FAM120B: variants seen among roughly 807,000 people sequenced by gnomAD.
FAM120B encodes the protein family with sequence similarity 120 member B.
A neutral mutation model predicts 96.3 loss-of-function variants in FAM120B; 83 were observed. The observed-to-expected ratio is 0.86, with a 90% CI of 0.72 to 1.03. FAM120B has a LOEUF of 1.03. Ranked by LOEUF, FAM120B falls within the 50% of genes least tolerant of loss-of-function variation. The pLI, the probability that FAM120B is intolerant of heterozygous loss-of-function variation, is 0.00. For synonymous variants in FAM120B, 407 were observed against 402.7 expected (o/e 1.01, Z -0.13); for missense variants, 1,027 against 1,121.2 (o/e 0.92, Z 1.20).
At chr6:170,337,506 T>C in intron 4 of FAM120B, among the ~76,000 whole-genome samples, 1 of 149,756 alleles carries the variant, frequency 6.7e-6, no homozygotes, top group African/African-American at 2.5e-5. Context: ...TTTTGTTGTG[T>C]CTCTGCCAGT....
At chr6:170,359,270 G>A (rs1299931735) in intron 6 of FAM120B, among the ~76,000 whole-genome samples, 4 of 152,030 alleles carry the variant, frequency 2.6e-5, no homozygotes, top group Non-Finnish European at 4.4e-5. Context: ...GTGTGTGCCT[G>A]TAATCCTAGC....
chr6:170,321,535 G>A (rs113346263), intron 2 of FAM120B, among the ~76,000 whole-genome samples: 1,748 of 152,186 alleles, frequency 0.011, 22 homozygotes, highest in African/African-American at 0.036. Flanking sequence ...ACTCCACCAC[G>A]CCCAGCTAAT....
chr6:170,348,319 T>C lies in FAM120B; in HGVS notation c.2186T>C (p.Val729Ala), dbSNP rs774676677. ...ALCCLLIYLF[V>A]QVDTLCLEDL... ...TGCTGCCTCTTGATCTACCTCTTTG[T>C]CCAGGTAATGTCCAGCTGCCCGTTC... Residue 729 changes from valine to alanine, a missense_variant, in exon 5 of 11, where the codon GTC (valine) becomes GCC (alanine). Physicochemically the swap from Val to Ala is moderately conservative, Grantham distance 64 (BLOSUM62 0). This residue lies in a region of FAM120B where 880 missense variants were observed against 980.9 expected (regional missense o/e 0.90). Coordinates refer to ENST00000476287, the MANE Select transcript of FAM120B (RefSeq NM_032448.3). 15 of 1,612,494 alleles carry C rather than the reference T, an allele frequency of 9.3e-6. No homozygotes were observed. The highest frequency in any genetic ancestry group is 1.3e-5 in the African/African-American group (1 of 74,858).
rs1325406043 is a variant in FAM120B at position 170,361,249 on chromosome 6, T to C, written c.2283+2931T>C. ...ATATATATATATACACGTATATATA[T>C]ATATACGTGTATATATATAGTTACA... On this transcript the variant is annotated intron_variant, in intron 6 of 10. Transcript: ENST00000476287. Among the ~76,000 whole-genome samples, 26 of 139,612 alleles carry C rather than the reference T, an allele frequency of 1.9e-4. 1 individual carries two copies. The East Asian group carries it at 3.2e-3, about 17-fold the overall frequency. The allele number at this position is 139,612 out of a possible 152,430, so 91.6% of individuals were successfully genotyped here. A position where few individuals can be genotyped will look rare whatever the true frequency, so the allele number is the denominator to read the frequency against.
chr6:170,394,896 C>T (rs1790648734), intron 8 of FAM120B, among the ~76,000 whole-genome samples: 1 of 152,276 alleles, frequency 6.6e-6, no homozygotes, highest in Admixed American at 6.5e-5. Flanking sequence ...GGACAGTACC[C>T]ATGGCAGGGC....
chr6:170,336,307 CT>C (rs1256750433), intron 4 of FAM120B, among the ~76,000 whole-genome samples: 1 of 152,136 alleles, frequency 6.6e-6, no homozygotes, highest in African/African-American at 2.4e-5. Flanking sequence ...AACAGGGAAT[CT>C]TTTCCCTGTT....
chr6:170,325,438 C>T (rs1583202442), intron 3 of FAM120B, among the ~76,000 whole-genome samples: 1 of 151,850 alleles, frequency 6.6e-6, no homozygotes, highest in East Asian at 1.9e-4. Flanking sequence ...TTCTTTTTTC[C>T]CCACCTTATT....
At chr6:170,367,351 A>G (rs980075440) in intron 6 of FAM120B, among the ~76,000 whole-genome samples, 3 of 152,278 alleles carry the variant, frequency 2.0e-5, no homozygotes, top group African/African-American at 7.2e-5. Flanking sequence ...GGAAAAAGTC[A>G]AAAGAATAAT....
intron 6 of FAM120B, among the ~76,000 whole-genome samples, chr6:170,359,977 G>A (rs924983044): frequency 1.3e-5 from 2 of 152,200 alleles, no homozygotes; most frequent in Non-Finnish European, 2.9e-5. Context: ...CCTGGGCCCT[G>A]GTTGTGGCTG....
chr6:170,339,801 T>C (rs928918371), intron 4 of FAM120B, among the ~76,000 whole-genome samples: 1 of 148,738 alleles, frequency 6.7e-6, no homozygotes, highest in Non-Finnish European at 1.5e-5. Context: ...AAAAAAAGAA[T>C]GTTGGACATT....
upstream of FAM120B, chr6:170,306,585 G>A (rs978073013): frequency 6.6e-6 from 1 of 152,216 alleles, no homozygotes; most frequent in East Asian, 1.9e-4. Context: ...ACAGGCCGCG[G>A]CGTCCCACGC....
At chr6:170,404,306 G>A (rs2115351484) in intron 9 of FAM120B, 1 of 493,014 alleles carries the variant, frequency 2.0e-6, no homozygotes, top group East Asian at 3.3e-5. Flanking sequence ...TGGAGCTGGT[G>A]TGAAGAGGAA....
rs983007920 is a variant in FAM120B, at chr6:170,376,969, G to C, written c.2284-11318G>C. Among the ~76,000 whole-genome samples, 853 of 138,838 alleles carry C rather than the reference G, an allele frequency of 6.1e-3. 31 individuals are homozygous for C. The highest frequency in any genetic ancestry group is 0.02 in the African/African-American group (717 of 35,460). 91.1% of individuals were successfully genotyped at this position (138,838 alleles called of 152,430 possible). On this transcript the variant is annotated intron_variant, in intron 6 of 10. Coordinates refer to ENST00000476287, the MANE Select transcript of FAM120B (RefSeq NM_032448.3). ...GAGAGCACGAGCTCAGGGCTGCTCT[G>C]TGCTGTGCACACGCGTCCCTAAACC... is the stretch of plus-strand genomic sequence containing the variant.
chr6:170,292,711 G>A (rs1437546209), upstream of FAM120B, among the ~76,000 whole-genome samples: 2 of 152,200 alleles, frequency 1.3e-5, no homozygotes, highest in African/African-American at 2.4e-5. The surrounding 1 kb of genome is among the most constrained non-coding windows in gnomAD (Gnocchi z 6.6). Flanking sequence ...CAGGCCCTCC[G>A]GCTGCTACGC....
chr6:170,300,268 G>A (rs1294698682), intron 1 of FAM120B, among the ~76,000 whole-genome samples: 1 of 152,228 alleles, frequency 6.6e-6, no homozygotes, highest in African/African-American at 2.4e-5. Context: ...GCAAAGAGAA[G>A]TGCAGAGCAA....
chr6:170,306,934 C>G (rs1007297395), intron 1 of FAM120B, 92 bp downstream of exon 1: 4 of 152,322 alleles, frequency 2.6e-5, no homozygotes, highest in Admixed American at 6.5e-5. Context: ...TCGCGCGCGT[C>G]AGCCCCTCGG....
intron 3 of FAM120B, among the ~76,000 whole-genome samples, chr6:170,323,608 T>A (rs1785428340): frequency 6.6e-6 from 1 of 152,228 alleles, no homozygotes; most frequent in African/African-American, 2.4e-5. Context: ...TGCCTATTAT[T>A]AGAAGAAAAC....
At chr6:170,394,980 T>C (rs1790652320) in intron 8 of FAM120B, among the ~76,000 whole-genome samples, 2 of 152,226 alleles carry the variant, frequency 1.3e-5, no homozygotes, top group Non-Finnish European at 2.9e-5. Context: ...TGAGTTTGTA[T>C]GTAATCAGGC....
At chr6:170,335,648 T>C (rs977793061) in intron 4 of FAM120B, among the ~76,000 whole-genome samples, 25 of 152,226 alleles carry the variant, frequency 1.6e-4, no homozygotes, top group Admixed American at 8.5e-4. Flanking sequence ...CCACAATGGT[T>C]GAACTAATTT....
Sources: gnomAD v4.1 joint callset for allele counts (sites outside exome capture counted in the v4.1 genomes callset) on GRCh38, gnomAD v4.1.1 for gene constraint, gnomAD v4.1.1 regional missense constraint, Gnocchi (gnomAD v3.1) non-coding constraint, MANE v1.5 for transcripts, NCBI Gene and HGNC (gene_info 2026-07-23, HGNC 2026-07-21) for gene names.